The following ZBBX variants were observed in gnomAD, a reference collection of about 807,000 sequenced individuals.
ZBBX encodes zinc finger B-box domain containing, also known as zinc finger B-box domain-containing protein 1.
In ZBBX, 101 loss-of-function variants were observed where a neutral mutation model predicts 108.5. The ratio of observed to expected loss-of-function variants is 0.93; its 90% CI spans 0.79 to 1.10. The LOEUF is 1.10. Among genes scored for constraint, ZBBX ranks in the 50% least tolerant of loss-of-function variants. The pLI is 0.00. For synonymous variants in ZBBX, 356 were observed against 323.4 expected (o/e 1.10, Z -1.08); for missense variants, 1,009 against 941.4 (o/e 1.07, Z -0.94).
chr3:167,248,437 T>A (rs1163787099), intron 20 of ZBBX, among the ~76,000 whole-genome samples: 2 of 152,074 alleles, frequency 1.3e-5, no homozygotes, highest in African/African-American at 2.4e-5. Context: ...CTTAAACTGT[T>A]TTTCTTTTTT....
chr3:167,322,166 CTTT>C lies in ZBBX; in HGVS notation c.931_933del (p.Lys311del), dbSNP rs1438793741. On this transcript the variant is annotated inframe_deletion, in exon 12 of 22. Transcript: ENST00000675490. ...TTTTCCATATAGGATAGAATGTCTTCTTTAAGTTCAATATTAAGTGGTTCTCTC... is the reference window on the plus strand; with the variant it reads ...TTTTCCATATAGGATAGAATGTCTTCAAGTTCAATATTAAGTGGTTCTCTC... The C allele has an allele frequency of 6.9e-7, 1 of 1,458,126 alleles. No homozygotes were observed. Among genetic ancestry groups the C allele is most frequent in the African/African-American group, 1.4e-5 (1 of 69,502 alleles). 90.3% of individuals were successfully genotyped at this position (1,458,126 alleles called of 1,614,324 possible).
chr3:167,270,368 G>A (rs2108467997), intron 20 of ZBBX, among the ~76,000 whole-genome samples: 1 of 152,306 alleles, frequency 6.6e-6, no homozygotes, highest in Non-Finnish European at 1.5e-5. Context: ...TACACAGTAA[G>A]CTGCTATACC....
intron 5 of ZBBX, chr3:167,366,744 C>T: frequency 2.3e-6 from 1 of 435,104 alleles, no homozygotes; most frequent in Non-Finnish European, 4.6e-6. Flanking sequence ...TGTTAAGAAT[C>T]ATCTAGAAAA....
At chr3:167,327,235 A>G (rs1236947943) in intron 11 of ZBBX, among the ~76,000 whole-genome samples, 2 of 138,578 alleles carry the variant, frequency 1.4e-5, no homozygotes, top group Non-Finnish European at 3.1e-5. Context: ...GGTCCTTAAA[A>G]TTGTATTTTT....
chr3:167,397,934 A>T (rs987138580), intron 1 of ZBBX, among the ~76,000 whole-genome samples: 1 of 151,916 alleles, frequency 6.6e-6, no homozygotes, highest in Non-Finnish European at 1.5e-5. Context: ...TAAGGAGACA[A>T]CAATCAAGCA....
intron 1 of ZBBX, among the ~76,000 whole-genome samples, chr3:167,397,685 G>A (rs1748292960): frequency 1.3e-5 from 2 of 151,712 alleles, no homozygotes; most frequent in African/African-American, 4.8e-5. Context: ...GAGAAATGCA[G>A]ATGATGACAA....
At chr3:167,271,483 G>A (rs931191038) in intron 20 of ZBBX, among the ~76,000 whole-genome samples, 1 of 152,098 alleles carries the variant, frequency 6.6e-6, no homozygotes, top group African/African-American at 2.4e-5. Flanking sequence ...AATAAAAATA[G>A]GGGCCAAAGA....
At chr3:167,323,732 A>G (rs1190352666) in intron 11 of ZBBX, among the ~76,000 whole-genome samples, 1 of 152,098 alleles carries the variant, frequency 6.6e-6, no homozygotes, top group Non-Finnish European at 1.5e-5. Context: ...TCCTTAATAG[A>G]TAGTGCAAAA....
chr3:167,297,281 T>C (rs1204106120), intron 18 of ZBBX, among the ~76,000 whole-genome samples: 1 of 151,866 alleles, frequency 6.6e-6, no homozygotes, highest in East Asian at 1.9e-4. Context: ...GCCTAGACCA[T>C]TCAATGGGGG....
chr3:167,194,229 A>AATATATATAT, the ZBBX span, among the ~76,000 whole-genome samples: 457 of 139,810 alleles, frequency 3.3e-3, 3 homozygotes, highest in East Asian at 0.013. Flanking sequence ...ATATGTACTA[A>AATATATATAT]ATATATATAT....
At chr3:167,368,933 T>C (rs1253679908) in intron 4 of ZBBX, 2 of 182,084 alleles carry the variant, frequency 1.1e-5, no homozygotes, top group Non-Finnish European at 2.2e-5. Flanking sequence ...TTGCCTCCAA[T>C]GTAGTCAAGT....
intron 20 of ZBBX, among the ~76,000 whole-genome samples, chr3:167,271,399 A>T (rs1001012034): frequency 6.6e-6 from 1 of 152,178 alleles, no homozygotes; most frequent in African/African-American, 2.4e-5. Context: ...CATCTGGAAC[A>T]CCTGTCTTTC....
intron 20 of ZBBX, among the ~76,000 whole-genome samples, chr3:167,270,520 G>A (rs13095777): frequency 0.5 from 75,481 of 151,996 alleles, 19,550 homozygotes; most frequent in African/African-American, 0.66. Flanking sequence ...CTTTTTGTCA[G>A]TGTAAATAAT....
chr3:167,289,573 A>G (rs189494040), intron 18 of ZBBX, among the ~76,000 whole-genome samples: 2 of 152,364 alleles, frequency 1.3e-5, no homozygotes, highest in East Asian at 3.9e-4. Flanking sequence ...TGGCTCGGAT[A>G]CTGTGCTTTT....
chr3:167,342,946 C>A (rs1740803821), intron 9 of ZBBX, among the ~76,000 whole-genome samples: 2 of 151,768 alleles, frequency 1.3e-5, no homozygotes, highest in Admixed American at 6.6e-5. Flanking sequence ...TTTTTATCTA[C>A]CAATTATACC....
intron 20 of ZBBX, among the ~76,000 whole-genome samples, chr3:167,267,329 G>T (rs971474149): frequency 4.6e-5 from 7 of 152,168 alleles, no homozygotes; most frequent in Admixed American, 3.3e-4. Flanking sequence ...ATAGGCAAGA[G>T]ATTCCTCATA....
At chr3:167,403,190 G>A (rs879460063) in intron 1 of ZBBX, among the ~76,000 whole-genome samples, 14 of 152,072 alleles carry the variant, frequency 9.2e-5, no homozygotes, top group Non-Finnish European at 1.9e-4. Context: ...ATTCTAACGG[G>A]TACCACAGTA....
At chr3:167,188,982 C>T in the ZBBX span, among the ~76,000 whole-genome samples, 2,028 of 152,218 alleles carry the variant, frequency 0.013, 22 homozygotes, top group South Asian at 0.026. Context: ...TCATACTTTA[C>T]CTATCTTATG....
Position 167,240,559 on chromosome 3 carries a change from C to T in ZBBX, c.*234G>A. 2 of 320,010 alleles carry T rather than the reference C, an allele frequency of 6.2e-6. No individual in the cohort carries two copies. Among genetic ancestry groups the T allele is most frequent in the East Asian group, 1.3e-4 (2 of 15,682 alleles). The allele number at this position is 320,010 out of a possible 1,614,324, so 19.8% of individuals were successfully genotyped here. A position where few individuals can be genotyped will look rare whatever the true frequency, so the allele number is the denominator to read the frequency against. On this transcript the variant is annotated 3_prime_UTR_variant, in exon 22 of 22. Coordinates refer to ENST00000675490, the MANE Select transcript of ZBBX (RefSeq NM_001199201.2). ...TGTAACAGTTATTTCTTCAAATTCA[C>T]CATATTTTACTAACATAATCTGCAA...
Sources: allele counts gnomAD v4.1 joint callset (sites outside exome capture counted in the v4.1 genomes callset), GRCh38; gene constraint gnomAD v4.1.1; transcripts MANE v1.5; gene names NCBI Gene and HGNC (gene_info 2026-07-23, HGNC 2026-07-21).